Variants in COP1 observed in about 807,000 individuals in gnomAD.
The protein encoded by COP1 is E3 ubiquitin-protein ligase COP1.
Under a neutral mutation model 101.3 loss-of-function variants are expected in COP1, and 24 were observed. That is an observed-to-expected ratio of 0.24 (90% CI 0.17 to 0.33). COP1 has a LOEUF of 0.33. Ranked by LOEUF, COP1 falls within the 10% of genes least tolerant of loss-of-function variation. The probability of loss-of-function intolerance (pLI) is 1.00; values close to 1 mark genes in which losing one functional copy is unlikely to be tolerated. For missense variants in COP1, 663 were observed against 906.2 expected (o/e 0.73, Z 3.45); for synonymous variants, 347 against 341.9 (o/e 1.01, Z -0.17).
At chr1:176,036,696 T>C (rs996013998) in intron 14 of COP1, among the ~76,000 whole-genome samples, 1 of 152,192 alleles carries the variant, frequency 6.6e-6, no homozygotes, top group Admixed American at 6.5e-5. Flanking sequence ...GCTAGTGATA[T>C]GTGGTATGAT....
chr1:176,162,737 T>C, intron 5 of COP1, 132 bp downstream of exon 5: 2 of 628,022 alleles, frequency 3.2e-6, no homozygotes, highest in Non-Finnish European at 5.0e-6. Context: ...AGTGACACTT[T>C]GTAGCTGTTT....
intron 18 of COP1, among the ~76,000 whole-genome samples, chr1:175,982,154 G>T (rs1345151402): frequency 6.6e-6 from 1 of 152,158 alleles, no homozygotes; most frequent in Non-Finnish European, 1.5e-5. Flanking sequence ...ATATGACCTA[G>T]CAATTACACT....
chr1:176,201,309 G>A (rs1248583409), intron 1 of COP1, among the ~76,000 whole-genome samples: 2 of 152,034 alleles, frequency 1.3e-5, no homozygotes, highest in Non-Finnish European at 2.9e-5. Context: ...TAATTCCACC[G>A]TCAAAAAAGC....
chr1:176,207,118 T>G lies in COP1; in HGVS notation c.-140A>C. ...AGGTGGGGCTGAGGAACAATAAAGT[T>G]GCGTTTTTTTTTAAGGCAGCCACAC... On this transcript the variant is annotated 5_prime_UTR_variant, in exon 1 of 20. Transcript: ENST00000367669. The G allele has an allele frequency of 1.6e-6, 1 of 628,426 alleles. No individual in the cohort carries two copies. The highest frequency in any genetic ancestry group is 2.4e-6 in the Non-Finnish European group (1 of 419,496). 38.9% of individuals were successfully genotyped at this position (628,426 alleles called of 1,614,324 possible). A position where few individuals can be genotyped will look rare whatever the true frequency, so the allele number is the denominator to read the frequency against.
chr1:176,174,548 G>A (rs567267849), intron 3 of COP1, among the ~76,000 whole-genome samples: 2 of 83,378 alleles, frequency 2.4e-5, no homozygotes, highest in South Asian at 4.0e-4. Context: ...ATCCTCCAGC[G>A]ATTTTCCTTC....
intron 19 of COP1, among the ~76,000 whole-genome samples, chr1:175,945,943 T>C (rs1158271010): frequency 6.6e-6 from 1 of 152,240 alleles, no homozygotes; most frequent in Non-Finnish European, 1.5e-5. Flanking sequence ...AAGTCAATGA[T>C]GCTGAACAAA....
chr1:176,005,007 T>C (rs572014857), intron 15 of COP1, among the ~76,000 whole-genome samples: 39 of 152,176 alleles, frequency 2.6e-4, no homozygotes, highest in African/African-American at 8.7e-4. Context: ...TGGTAAGCTA[T>C]TGATTCTTGC....
At chr1:176,192,168 T>G (rs932289438) in intron 1 of COP1, among the ~76,000 whole-genome samples, 12 of 152,168 alleles carry the variant, frequency 7.9e-5, no homozygotes, top group African/African-American at 2.9e-4. Flanking sequence ...TGCTGATTCC[T>G]CTTACCCCAA....
intron 2 of COP1, among the ~76,000 whole-genome samples, chr1:176,181,099 A>T (rs1178918527): frequency 1.3e-5 from 2 of 152,226 alleles, no homozygotes; most frequent in Non-Finnish European, 2.9e-5. Context: ...ATTGTATTTC[A>T]GTTAGGCTAC....
At chr1:176,012,794 A>C (rs1664917473) in intron 15 of COP1, among the ~76,000 whole-genome samples, 1 of 152,204 alleles carries the variant, frequency 6.6e-6, no homozygotes, top group African/African-American at 2.4e-5. Context: ...ACAGGTTTGT[A>C]GCCTAGGAGT....
intron 6 of COP1, among the ~76,000 whole-genome samples, chr1:176,143,643 G>A (rs911020486): frequency 6.6e-6 from 1 of 151,858 alleles, no homozygotes; most frequent in South Asian, 2.1e-4. Context: ...TATACATAAC[G>A]GCCAAGTTTG....
At chr1:176,101,990 C>T (rs1276375931) in intron 9 of COP1, among the ~76,000 whole-genome samples, 2 of 152,158 alleles carry the variant, frequency 1.3e-5, no homozygotes, top group East Asian at 3.9e-4. Context: ...TGTCCCCAGG[C>T]AAAACCCCTC....
chr1:176,111,429 GACTACAGGTGCGC>G (rs1685270406), intron 9 of COP1, among the ~76,000 whole-genome samples: 1 of 151,936 alleles, frequency 6.6e-6, no homozygotes, highest in African/African-American at 2.4e-5. Context: ...GAGCAGCTGG[GACTACAGGTGCGC>G]ACCACCATGC....
chr1:176,151,351 G>A (rs1479661529), intron 5 of COP1, among the ~76,000 whole-genome samples: 39 of 90,554 alleles, frequency 4.3e-4, no homozygotes, highest in Non-Finnish European at 7.0e-4. Context: ...AGGAAAGAAA[G>A]AAAAAGAAAG....
chr1:176,201,772 G>A (rs1374540641), intron 1 of COP1, among the ~76,000 whole-genome samples: 2 of 152,124 alleles, frequency 1.3e-5, no homozygotes, highest in Non-Finnish European at 2.9e-5. Flanking sequence ...GTACCAATAG[G>A]TCTGATAAAA....
chr1:176,041,346 T>TTTTTTTA (rs113607551), intron 14 of COP1, among the ~76,000 whole-genome samples: 1 of 145,632 alleles, frequency 6.9e-6, no homozygotes. Flanking sequence ...ATTTTTTTTC[T>TTTTTTTA]TTTTTTCTTT....
rs1456552067 is a variant in COP1, at chr1:176,174,007, A to AAAAAG, written c.565+1902_565+1903insCTTTT. Among the ~76,000 whole-genome samples the AAAAAG allele has an allele frequency of 6.6e-5, 8 of 121,922 alleles. 1 individual carries two copies. The highest frequency in any genetic ancestry group is 1.9e-4 in the Admixed American group (2 of 10,766). The allele number at this position is 121,922 out of a possible 152,430, so 80.0% of individuals were successfully genotyped here. On this transcript the variant is annotated intron_variant, in intron 3 of 19. Coordinates refer to ENST00000367669, the MANE Select transcript of COP1 (RefSeq NM_022457.7). Reference sequence around the variant, plus strand: ...GTCTCAAAAAAAAAAAAAAAAAAAAAAGAGAATATATATAATGTAGGGGAT... The same window carrying AAAAAG: ...GTCTCAAAAAAAAAAAAAAAAAAAAAAAAAGAGAGAATATATATAATGTAGGGGAT...
chr1:176,134,878 T>C, intron 8 of COP1, 132 bp downstream of exon 8: 1 of 580,280 alleles, frequency 1.7e-6, no homozygotes, highest in Non-Finnish European at 3.1e-6. Context: ...CATATGAATA[T>C]CATTTCTAGA....
chr1:176,138,716 A>G (rs565377617), intron 6 of COP1, among the ~76,000 whole-genome samples: 1 of 152,268 alleles, frequency 6.6e-6, no homozygotes, highest in African/African-American at 2.4e-5. Flanking sequence ...CCACCATAAC[A>G]TAAAAACCAC....
Sources: allele counts gnomAD v4.1 joint callset (sites outside exome capture counted in the v4.1 genomes callset), GRCh38; gene constraint gnomAD v4.1.1; transcripts MANE v1.5; gene names NCBI Gene and HGNC (gene_info 2026-07-23, HGNC 2026-07-21).